CTPS2: variants seen among roughly 807,000 people sequenced by gnomAD.
CTPS2 encodes CTP synthase II.
A neutral mutation model predicts 46.8 loss-of-function variants in CTPS2; 19 were observed. The observed-to-expected ratio is 0.41, with a 90% CI of 0.28 to 0.60. The LOEUF (loss-of-function observed/expected upper bound fraction) is 0.60, where lower values mean the gene tolerates loss of function less well. Ranked by LOEUF, CTPS2 falls within the 20% of genes least tolerant of loss-of-function variation. CTPS2 has a pLI of 0.35. For missense variants in CTPS2, 286 were observed against 447.6 expected (o/e 0.64, Z 3.26); for synonymous variants, 151 against 165.2 (o/e 0.91, Z 0.66).
intron 14 of CTPS2, among the ~76,000 whole-genome samples, chrX:16,631,469 C>T (rs951093680): frequency 9.0e-6 from 1 of 111,689 alleles, no homozygotes; most frequent in African/African-American, 3.3e-5. Context: ...CAGCGAGCTA[C>T]GATCACACCA....
intron 10 of CTPS2, among the ~76,000 whole-genome samples, chrX:16,673,905 G>T (rs1921986424): frequency 1.8e-5 from 2 of 111,430 alleles, no homozygotes; most frequent in African/African-American, 6.5e-5. Flanking sequence ...GCTGGAAAAG[G>T]TCAGACCTTA....
intron 17 of CTPS2, among the ~76,000 whole-genome samples, chrX:16,592,267 G>C (rs755665239): frequency 4.6e-4 from 51 of 111,518 alleles, no homozygotes; most frequent in African/African-American, 1.6e-3. Context: ...GTGCCCAACT[G>C]TATGCTTTTT....
At chrX:16,693,677 C>T (rs5980323) in intron 4 of CTPS2, among the ~76,000 whole-genome samples, 190 bp from the exon 5 acceptor site, 60,024 of 109,898 alleles carry the variant, frequency 0.55, 13,193 homozygotes, top group African/African-American at 0.83. Context: ...ATGATCCCAG[C>T]GCTTTGGGAG....
intron 17 of CTPS2, among the ~76,000 whole-genome samples, chrX:16,596,258 G>A (rs1929256054): frequency 9.2e-6 from 1 of 108,773 alleles, no homozygotes; most frequent in Non-Finnish European, 1.9e-5. Context: ...AGTTACATAT[G>A]TATACATGTG....
chrX:16,588,122 C>T lies in CTPS2; in HGVS notation c.*1695G>A, dbSNP rs1476211869. On this transcript the variant is annotated 3_prime_UTR_variant, in exon 19 of 19. Coordinates refer to ENST00000359276, the MANE Select transcript of CTPS2 (RefSeq NM_175859.3). ...AAATGGAAGCCTGACTGACCAGGGG[C>T]TCTTGGGCTCTCAATGCAATAGAAA... 5.5e-5 allele frequency: 6 copies of T among 109,948 alleles called. No homozygotes were observed. The highest frequency in any genetic ancestry group is 2.0e-4 in the African/African-American group (6 of 29,569). 9.1% of individuals were successfully genotyped at this position (109,948 alleles called of 1,213,427 possible).
intron 10 of CTPS2, among the ~76,000 whole-genome samples, chrX:16,672,805 G>T (rs1334451625): frequency 9.2e-6 from 1 of 109,034 alleles, no homozygotes; most frequent in Admixed American, 9.9e-5. Context: ...TGTGCAAATT[G>T]GTTGAATGAA....
intron 14 of CTPS2, among the ~76,000 whole-genome samples, chrX:16,627,772 G>A (rs902255406): frequency 9.0e-6 from 1 of 111,533 alleles, no homozygotes; most frequent in Non-Finnish European, 1.9e-5. Flanking sequence ...GAGGCCTGGG[G>A]TAGGGTCTTC....
rs190157546 is a variant in CTPS2, at chrX:16,655,188, G to A, written c.1296+12326C>T. ...CATGCTATCTCCCAGCACTCGCTGT[G>A]CTTTCTTAATGAATGACCCTCGACG... On this transcript the variant is annotated intron_variant, in intron 13 of 18. Coordinates refer to ENST00000359276, the MANE Select transcript of CTPS2 (RefSeq NM_175859.3). Among the ~76,000 whole-genome samples the A allele has an allele frequency of 2.7e-5, 3 of 112,215 alleles. No individual in the cohort carries two copies. In the Admixed American group the frequency reaches 2.8e-4, roughly 11 times the overall value.
chrX:16,654,486 TTA>T, intron 13 of CTPS2: 1 of 1,185,575 alleles, frequency 8.4e-7, no homozygotes, highest in Non-Finnish European at 1.1e-6. Context: ...ATTCCAAGTA[TTA>T]GTAAAAAAGA....
At chrX:16,612,482 T>C (rs1930311875) in intron 16 of CTPS2, among the ~76,000 whole-genome samples, 1 of 112,162 alleles carries the variant, frequency 8.9e-6, no homozygotes, top group East Asian at 2.8e-4. Flanking sequence ...TTGATGACAA[T>C]AATGACAACC....
Position 16,640,461 on chromosome X carries a change from C to T in CTPS2, c.1297-1218G>A, listed in dbSNP as rs182654311. 4.5e-3 allele frequency among the ~76,000 whole-genome samples: 507 copies of T among 111,842 alleles called. 1 individual carries two copies. The highest frequency in any genetic ancestry group is 0.015 in the African/African-American group (469 of 30,815). On this transcript the variant is annotated intron_variant, in intron 13 of 18. Coordinates refer to ENST00000359276, the MANE Select transcript of CTPS2 (RefSeq NM_175859.3). Reference sequence around the variant, plus strand: ...TGTGCCCTCACAGAACGAGGTTCTTCCCCATCCCTGCCTTTCTCTCAGTTT... The same window carrying T: ...TGTGCCCTCACAGAACGAGGTTCTTTCCCATCCCTGCCTTTCTCTCAGTTT...
chrX:16,697,171 G>C (rs1234270711), intron 4 of CTPS2, among the ~76,000 whole-genome samples: 2 of 110,720 alleles, frequency 1.8e-5, no homozygotes, highest in Non-Finnish European at 1.9e-5. Context: ...CCCCATAAGT[G>C]ACCTTGCTAG....
At chrX:16,700,425 T>C (rs1487201647) in intron 2 of CTPS2, among the ~76,000 whole-genome samples, 1 of 108,262 alleles carries the variant, frequency 9.2e-6, no homozygotes, top group East Asian at 2.9e-4. Flanking sequence ...CCTATTATTT[T>C]TTTAAATAGA....
chrX:16,685,087 T>C (rs1206653944), intron 8 of CTPS2, among the ~76,000 whole-genome samples: 3 of 109,227 alleles, frequency 2.7e-5, no homozygotes, highest in Non-Finnish European at 5.7e-5. Flanking sequence ...CCAGACTTCT[T>C]CTCCAAAAAA....
chrX:16,652,032 G>A (rs1031079517), intron 13 of CTPS2, among the ~76,000 whole-genome samples: 1 of 110,300 alleles, frequency 9.1e-6, no homozygotes, highest in Non-Finnish European at 1.9e-5. Context: ...GGGGGCCAGT[G>A]GATGGAAAAT....
chrX:16,700,112 CATT>C (rs34384786), intron 2 of CTPS2, among the ~76,000 whole-genome samples: 51,568 of 97,318 alleles, frequency 0.53, 13,054 homozygotes, highest in African/African-American at 0.85. Context: ...TTTGTATTAC[CATT>C]ATTATTATTA....
intron 16 of CTPS2, among the ~76,000 whole-genome samples, chrX:16,612,507 T>C (rs1354926812): frequency 8.9e-6 from 1 of 112,320 alleles, no homozygotes; most frequent in Non-Finnish European, 1.9e-5. Flanking sequence ...GAATTAAAAG[T>C]GAATAAGTAC....
intron 15 of CTPS2, among the ~76,000 whole-genome samples, chrX:16,619,664 GA>G (rs767678595): frequency 4.5e-5 from 5 of 111,414 alleles, no homozygotes; most frequent in Admixed American, 2.9e-4. Flanking sequence ...AACAAGCAGG[GA>G]TTTCTGTTCT....
chrX:16,695,545 T>G (rs1281146744), intron 4 of CTPS2, among the ~76,000 whole-genome samples: 1 of 110,669 alleles, frequency 9.0e-6, no homozygotes. Flanking sequence ...TTTTTTTATT[T>G]TTATTTATTT....
Sources: gnomAD v4.1 joint callset for allele counts (sites outside exome capture counted in the v4.1 genomes callset) on GRCh38, gnomAD v4.1.1 for gene constraint, MANE v1.5 for transcripts, NCBI Gene and HGNC (gene_info 2026-07-23, HGNC 2026-07-21) for gene names.